SIN3B: variants seen among roughly 807,000 people sequenced by gnomAD.
SIN3B encodes paired amphipathic helix protein Sin3b.
Under a neutral mutation model 120.2 loss-of-function variants are expected in SIN3B, and 19 were observed. That is an observed-to-expected ratio of 0.16 (90% CI 0.11 to 0.23). The LOEUF is 0.23. Among genes scored for constraint, SIN3B ranks in the 10% least tolerant of loss-of-function variants. The pLI is 1.00. For missense variants in SIN3B, 1,073 were observed against 1,573.0 expected, an observed-to-expected ratio of 0.68 and a Z score of 5.38; for synonymous variants, 654 against 653.2, an observed-to-expected ratio of 1.00 and a Z score of -0.02.
intron 8 of SIN3B, chr19:16,854,736 C>G (rs1243053396): frequency 6.5e-6 from 1 of 154,186 alleles, no homozygotes; most frequent in Non-Finnish European, 1.4e-5. Flanking sequence ...GGGTGGCGTC[C>G]TGTCCAGGGT....
At chr19:16,858,369 TTTATAAG>T (rs1180398095) in intron 8 of SIN3B, among the ~76,000 whole-genome samples, 1 of 152,124 alleles carries the variant, frequency 6.6e-6, no homozygotes, top group Non-Finnish European at 1.5e-5. Flanking sequence ...TTTCTCACCT[TTTATAAG>T]AAGTGGCCCA....
intron 14 of SIN3B, chr19:16,872,563 C>T (rs2051525653): frequency 6.6e-6 from 1 of 152,152 alleles, no homozygotes; most frequent in African/African-American, 2.4e-5. Context: ...CCTGCCTCAG[C>T]CTCCTGAGTA....
intron 3 of SIN3B, 51 bp downstream of exon 3, chr19:16,831,698 T>A: frequency 6.3e-7 from 1 of 1,582,800 alleles, no homozygotes; most frequent in Non-Finnish European, 8.7e-7. Context: ...GAGTATGTCT[T>A]GCTACTCAGG....
At position 16,829,442 on chromosome 19, in the gene SIN3B, A is replaced by C. The variant is rs371279373; in HGVS notation, c.22A>C (p.Ser8Arg). MAHAGGG[S>R]GGSGAGGPAG... ...GGACATGGCGCACGCTGGCGGTGGCAGCGGTGGCAGCGGTGCCGGCGGCCC... is the reference window on the plus strand; with the variant it reads ...GGACATGGCGCACGCTGGCGGTGGCCGCGGTGGCAGCGGTGCCGGCGGCCC... The change falls in exon 1 of 19, where the codon AGC becomes CGC. Residue 8 changes from serine to arginine, a missense_variant. Around this residue, in one of 7 missense-constraint regions of SIN3B, gnomAD observed 395 missense variants for 528.0 expected, o/e 0.75. Coordinates refer to ENST00000248054, the MANE Select transcript of SIN3B (RefSeq NM_001297595.2). 2 of 1,211,076 alleles carry C rather than the reference A, an allele frequency of 1.7e-6. No homozygotes were observed. Among genetic ancestry groups the C allele is most frequent in the South Asian group, 8.3e-5 (2 of 24,138 alleles). The allele number at this position is 1,211,076 out of a possible 1,614,324, so 75.0% of individuals were successfully genotyped here. A position where few individuals can be genotyped will look rare whatever the true frequency, so the allele number is the denominator to read the frequency against.
chr19:16,853,548 G>C (rs2144597520), intron 7 of SIN3B, among the ~76,000 whole-genome samples: 1 of 152,318 alleles, frequency 6.6e-6, no homozygotes, highest in East Asian at 1.9e-4. Context: ...TGCACAGACT[G>C]TGAATTGCTG....
rs754372470 is a variant in SIN3B at position 16,862,962 on chromosome 19, C to A, written c.1266+403C>A. On this transcript the variant is annotated intron_variant, in intron 9 of 18. Transcript: ENST00000248054. This position sits in a 1 kb window ranked among gnomAD's most constrained non-coding sequence, Gnocchi z 4.7. ...CAAGTTCAAGAATACCTGCTGGATT[C>A]CAGGATATAGTGCAGGGGTCAGCAA... 1.9e-6 allele frequency: 3 copies of A among 1,614,076 alleles called. No homozygotes were observed. Among genetic ancestry groups the A allele is most frequent in the Non-Finnish European group, 2.5e-6 (3 of 1,179,878 alleles).
chr19:16,866,153 G>A lies in SIN3B; in HGVS notation c.1623-220G>A, dbSNP rs183467587. ...TGCGGAGAGTGCTGGGTGCCAGGGAGGAGGTGGAGGAACCGGGAAGCCGGC... is the reference window on the plus strand; with the variant it reads ...TGCGGAGAGTGCTGGGTGCCAGGGAAGAGGTGGAGGAACCGGGAAGCCGGC... On this transcript the variant is annotated intron_variant, in intron 11 of 18. Coordinates refer to ENST00000248054, the MANE Select transcript of SIN3B (RefSeq NM_001297595.2). Among the ~76,000 whole-genome samples, 165 of 152,308 alleles carry A rather than the reference G, an allele frequency of 1.1e-3. 3 individuals carry two copies. The highest frequency in any genetic ancestry group is 3.7e-3 in the African/African-American group (155 of 41,576).
chr19:16,838,679 CT>C (rs1156599636), intron 3 of SIN3B, among the ~76,000 whole-genome samples: 2 of 150,900 alleles, frequency 1.3e-5, no homozygotes, highest in Non-Finnish European at 3.0e-5. Context: ...TTTTCTTTTT[CT>C]TTTTTTTTCG....
At chr19:16,854,373 G>C (rs1323204919) in intron 8 of SIN3B, 112 bp downstream of exon 8, 1 of 682,730 alleles carries the variant, frequency 1.5e-6, no homozygotes. Context: ...CTAAAATCCT[G>C]TTTATTAATT....
intron 8 of SIN3B, among the ~76,000 whole-genome samples, chr19:16,859,228 C>A (rs566661345): frequency 6.6e-6 from 1 of 152,208 alleles, no homozygotes; most frequent in Non-Finnish European, 1.5e-5. Context: ...GTGAGCTTAG[C>A]GTGCTGTTAG....
chr19:16,861,118 C>T (rs560775422), intron 8 of SIN3B, among the ~76,000 whole-genome samples: 2 of 152,264 alleles, frequency 1.3e-5, no homozygotes, highest in East Asian at 3.9e-4. Flanking sequence ...TTGTCGACCA[C>T]AGCCATGACA....
intron 14 of SIN3B, chr19:16,875,806 G>T: frequency 1.8e-6 from 1 of 551,584 alleles, no homozygotes; most frequent in Non-Finnish European, 3.2e-6. Flanking sequence ...GGTCTGGTCT[G>T]TTTGGTCTGG....
intron 8 of SIN3B, among the ~76,000 whole-genome samples, chr19:16,861,313 G>T (rs1200820976): frequency 2.0e-5 from 3 of 152,156 alleles, no homozygotes; most frequent in Non-Finnish European, 2.9e-5. Flanking sequence ...GGATGTGACT[G>T]CAGGCCAGTG....
At chr19:16,849,702 C>T (rs748222183) in intron 5 of SIN3B, among the ~76,000 whole-genome samples, 19 of 152,294 alleles carry the variant, frequency 1.2e-4, no homozygotes, top group African/African-American at 2.6e-4. Flanking sequence ...GGACGCATGG[C>T]GGGTTTCCCC....
chr19:16,877,663 T>G, intron 17 of SIN3B, 24 bp downstream of exon 17: 1 of 1,521,400 alleles, frequency 6.6e-7, no homozygotes, highest in Non-Finnish European at 9.0e-7. Context: ...AGATGCATGC[T>G]CTGTTCCTTC....
At chr19:16,865,164 C>T (rs751847542) in intron 10 of SIN3B, 32 of 446,236 alleles carry the variant, frequency 7.2e-5, no homozygotes, top group Admixed American at 1.5e-4. Flanking sequence ...CATGGTGGTG[C>T]ACACCTATAT....
chr19:16,869,394 A>AT, intron 12 of SIN3B, 66 bp from the exon 13 acceptor site: 1 of 1,502,854 alleles, frequency 6.7e-7, no homozygotes, highest in South Asian at 1.3e-5. Context: ...CGAGTCGTGA[A>AT]TGGGCACTGG....
In SIN3B at chr19:16,862,793, C is replaced by T. The variant is rs1298851706; in HGVS notation, c.1266+234C>T. The T allele has an allele frequency of 1.1e-5, 12 of 1,109,598 alleles. No homozygotes were observed. Among genetic ancestry groups the T allele is most frequent in the East Asian group, 2.4e-5 (1 of 42,388 alleles). 68.7% of individuals were successfully genotyped at this position (1,109,598 alleles called of 1,614,324 possible). On this transcript the variant is annotated intron_variant, in intron 9 of 18. Transcript: ENST00000248054. This position sits in a 1 kb window ranked among gnomAD's most constrained non-coding sequence, Gnocchi z 4.7. ...AGAGTGCCAGGGATAACGTGGAGTTCGGCTTATTCATCTGTTATTTGACTT... is the reference window on the plus strand; with the variant it reads ...AGAGTGCCAGGGATAACGTGGAGTTTGGCTTATTCATCTGTTATTTGACTT...
At chr19:16,832,330 T>C (rs1971289767) in intron 3 of SIN3B, among the ~76,000 whole-genome samples, 1 of 151,558 alleles carries the variant, frequency 6.6e-6, no homozygotes, top group Non-Finnish European at 1.5e-5. Context: ...CCCGAGTAGC[T>C]GGGATTACAG....
Sources: allele counts gnomAD v4.1 joint callset (sites outside exome capture counted in the v4.1 genomes callset), GRCh38; gene constraint gnomAD v4.1.1; regional missense constraint gnomAD v4.1.1; non-coding constraint Gnocchi (gnomAD v3.1); transcripts MANE v1.5; gene names NCBI Gene and HGNC (gene_info 2026-07-23, HGNC 2026-07-21).